Variants in FILIP1L observed in about 807,000 individuals in gnomAD.
FILIP1L encodes the protein filamin A interacting protein 1 like, also known as filamin A-interacting protein 1-like.
In FILIP1L, 55 loss-of-function variants were observed where a neutral mutation model predicts 96.6. The observed-to-expected ratio is 0.57, with a 90% CI of 0.46 to 0.71. The LOEUF is 0.71. Ranked by LOEUF, FILIP1L falls within the 30% of genes least tolerant of loss-of-function variation. The pLI, the probability that FILIP1L is intolerant of heterozygous loss-of-function variation, is 0.00. For missense variants in FILIP1L, 1,304 were observed against 1,321.2 expected (o/e 0.99, Z 0.20); for synonymous variants, 467 against 473.9 (o/e 0.99, Z 0.19).
intron 4 of FILIP1L, among the ~76,000 whole-genome samples, chr3:99,865,759 T>A (rs1944481289): frequency 6.6e-6 from 1 of 151,702 alleles, no homozygotes; most frequent in Admixed American, 6.6e-5. Context: ...ATAATAAATA[T>A]ATATATATAT....
intron 4 of FILIP1L, among the ~76,000 whole-genome samples, chr3:99,904,935 AGTCAGGTTTCAGTG>A (rs1223109027): frequency 1.3e-5 from 2 of 152,124 alleles, no homozygotes; most frequent in Non-Finnish European, 2.9e-5. Context: ...GGGTCCTTGA[AGTCAGGTTTCAGTG>A]TCTACCATTC....
chr3:100,034,048 G>A (rs1041166343), intron 1 of FILIP1L, among the ~76,000 whole-genome samples: 13 of 152,158 alleles, frequency 8.5e-5, no homozygotes, highest in African/African-American at 1.9e-4. Context: ...CCCGCCATGC[G>A]TTATTTTGCT....
chr3:99,941,164 C>T (rs567457719), intron 1 of FILIP1L, among the ~76,000 whole-genome samples: 5 of 152,122 alleles, frequency 3.3e-5, no homozygotes, highest in Admixed American at 6.5e-5. Flanking sequence ...CCAAATAATA[C>T]GATTCATTCT....
chr3:100,010,010 T>A (rs916680106), intron 1 of FILIP1L: 7 of 163,434 alleles, frequency 4.3e-5, no homozygotes, highest in African/African-American at 1.7e-4. Flanking sequence ...ATAGTTTCTG[T>A]TTGTTTTGGA....
intron 3 of FILIP1L, among the ~76,000 whole-genome samples, chr3:99,925,083 ATCTCT>A (rs1707249311): frequency 6.6e-6 from 1 of 152,266 alleles, no homozygotes; most frequent in African/African-American, 2.4e-5. Context: ...GCCCTAGCTG[ATCTCT>A]TCTGCCCCAG....
chr3:100,074,792 C>T (rs1276191714), intron 1 of FILIP1L, among the ~76,000 whole-genome samples: 2 of 139,612 alleles, frequency 1.4e-5, no homozygotes, highest in South Asian at 4.7e-4. Context: ...CTACTGGGTT[C>T]AAGCGATTCT....
intron 1 of FILIP1L, among the ~76,000 whole-genome samples, chr3:99,939,422 C>T (rs555545234): frequency 6.6e-6 from 1 of 152,256 alleles, no homozygotes; most frequent in African/African-American, 2.4e-5. Context: ...CCAAATGAAA[C>T]ACTCAGTTTC....
intron 1 of FILIP1L, among the ~76,000 whole-genome samples, chr3:100,079,915 A>G (rs2065905165): frequency 6.6e-6 from 1 of 152,192 alleles, no homozygotes; most frequent in Non-Finnish European, 1.5e-5. Context: ...TAAAGTTTAA[A>G]TAATGCATAT....
intron 1 of FILIP1L, among the ~76,000 whole-genome samples, chr3:99,935,666 G>A (rs4479633): frequency 0.73 from 111,811 of 152,160 alleles, 41,794 homozygotes; most frequent in African/African-American, 0.88. Flanking sequence ...ACCTGAGACT[G>A]GATGATCTTT....
chr3:100,019,411 C>T (rs1030374548), intron 1 of FILIP1L, among the ~76,000 whole-genome samples: 2 of 151,786 alleles, frequency 1.3e-5, no homozygotes, highest in African/African-American at 2.4e-5. Context: ...TTACCCTTAC[C>T]GAAAGGAATA....
chr3:99,973,623 A>C (rs921741720), intron 1 of FILIP1L, among the ~76,000 whole-genome samples: 4 of 152,216 alleles, frequency 2.6e-5, no homozygotes, highest in Non-Finnish European at 4.4e-5. Context: ...CACATCCTAT[A>C]GGTAAGTAAA....
At chr3:100,080,758 G>A (rs2065920778) in intron 1 of FILIP1L, among the ~76,000 whole-genome samples, 1 of 152,174 alleles carries the variant, frequency 6.6e-6, no homozygotes, top group Admixed American at 6.5e-5. Context: ...GGAACTGGAA[G>A]GCTTGTGAGA....
At chr3:100,029,297 G>T (rs1461856766) in intron 1 of FILIP1L, among the ~76,000 whole-genome samples, 1 of 151,634 alleles carries the variant, frequency 6.6e-6, no homozygotes, top group African/African-American at 2.4e-5. Context: ...TTACTTATTT[G>T]TACAGAAAAG....
chr3:100,047,100 A>C (rs1460729787), intron 1 of FILIP1L, among the ~76,000 whole-genome samples: 1 of 152,194 alleles, frequency 6.6e-6, no homozygotes, highest in East Asian at 1.9e-4. Context: ...TAGCCATTGA[A>C]GTTTTCTAAC....
At chr3:99,862,627 G>C (rs1944318862) in intron 4 of FILIP1L, among the ~76,000 whole-genome samples, 1 of 152,176 alleles carries the variant, frequency 6.6e-6, no homozygotes, top group South Asian at 2.1e-4. Flanking sequence ...GACAACTACT[G>C]AATGTCTCCA....
chr3:100,037,970 A>AT (rs2065138937), intron 1 of FILIP1L, among the ~76,000 whole-genome samples: 1 of 142,106 alleles, frequency 7.0e-6, no homozygotes, highest in Admixed American at 7.1e-5. Flanking sequence ...GGGGGAGGGA[A>AT]CAGAGTCTCA....
At position 100,107,879 on chromosome 3, in the gene FILIP1L, A is replaced by T. The variant is rs1160960810; in HGVS notation, c.-11+6174T>A. On this transcript the variant is annotated intron_variant, in intron 1 of 5. Transcript: ENST00000477258. The stretch of plus-strand genomic sequence containing the variant: ...ATGGTAGAAGAGAGCAAGAGAATTA[A>T]AAAAAAAAAAAAAAAAGTTACTTGC... Among the ~76,000 whole-genome samples the T allele has an allele frequency of 1.9e-4, 17 of 91,824 alleles. No homozygotes were observed. The East Asian group carries it at 3.5e-3, about 19-fold the overall frequency. 60.2% of individuals were successfully genotyped at this position (91,824 alleles called of 152,430 possible). A position where few individuals can be genotyped will look rare whatever the true frequency, so the allele number is the denominator to read the frequency against.
At chr3:99,961,869 G>A (rs773427259) in intron 1 of FILIP1L, among the ~76,000 whole-genome samples, 3 of 150,510 alleles carry the variant, frequency 2.0e-5, no homozygotes, top group East Asian at 2.0e-4. Flanking sequence ...AGCACAAACC[G>A]GGTATGCATT....
chr3:99,848,442 C>T lies in FILIP1L; in HGVS notation c.3234G>A (p.Val1078=). 6.2e-7 allele frequency: 1 copy of T among 1,614,150 alleles called. No homozygotes were observed. Among genetic ancestry groups the T allele is most frequent in the Non-Finnish European group, 8.5e-7 (1 of 1,180,022 alleles). Residue 1078 remains valine, a synonymous_variant, in exon 5 of 6, where the codon GTG becomes GTA. Transcript: ENST00000477258. The part of the protein sequence containing the change: ...SPYMQAVASP[V]RPASPSAPLQ... ...GTGGTGCTGAAGGGCTGGCAGGTCTCACAGGGCTGGCTACAGCTTGCATGT... is the reference window on the plus strand; with the variant it reads ...GTGGTGCTGAAGGGCTGGCAGGTCTTACAGGGCTGGCTACAGCTTGCATGT...
Sources: gnomAD v4.1 joint callset for allele counts (sites outside exome capture counted in the v4.1 genomes callset) on GRCh38, gnomAD v4.1.1 for gene constraint, MANE v1.5 for transcripts, NCBI Gene and HGNC (gene_info 2026-07-23, HGNC 2026-07-21) for gene names.